ABL1: variants seen among roughly 807,000 people sequenced by gnomAD.
ABL1 encodes the protein ABL proto-oncogene 1, non-receptor tyrosine kinase.
A neutral mutation model predicts 94.7 loss-of-function variants in ABL1; 11 were observed. The ratio of observed to expected loss-of-function variants is 0.12; its 90% CI spans 0.07 to 0.19. The LOEUF is 0.19. Ranked by LOEUF, ABL1 falls within the 10% of genes least tolerant of loss-of-function variation. The probability of loss-of-function intolerance (pLI) is 1.00; values close to 1 mark genes in which losing one functional copy is unlikely to be tolerated. For missense variants in ABL1, 1,082 were observed against 1,489.4 expected (o/e 0.73, Z 4.50); for synonymous variants, 656 against 622.4 (o/e 1.05, Z -0.80).
upstream of ABL1, among the ~76,000 whole-genome samples, chr9:130,831,152 C>T (rs1364435010): frequency 6.6e-6 from 1 of 152,180 alleles, no homozygotes; most frequent in Non-Finnish European, 1.5e-5. Context: ...GCACATACCT[C>T]AAGATCTTTG....
Position 130,744,288 on chromosome 9 carries a change from G to A in ABL1, c.136+29833G>A, listed in dbSNP as rs530386806. On this transcript the variant is annotated intron_variant, in intron 1 of 10. Coordinates refer to the ABL1 transcript ENST00000372348. ...CTCCCGAGTAACTGGGACTACAGGC[G>A]CATGCCACCATGCCCAGCTAATTTT... Among the ~76,000 whole-genome samples the A allele has an allele frequency of 2.0e-4, 31 of 151,738 alleles. 1 individual carries two copies. The East Asian group carries it at 3.0e-3, about 15-fold the overall frequency.
chr9:130,764,337 A>G (rs1233051356), intron 1 of ABL1, among the ~76,000 whole-genome samples: 1 of 152,116 alleles, frequency 6.6e-6, no homozygotes, highest in African/African-American at 2.4e-5. Context: ...AGAGCTTTTC[A>G]AGTTTTATTT....
At chr9:130,729,824 C>A (rs143573520) in intron 1 of ABL1, among the ~76,000 whole-genome samples, 1 of 151,766 alleles carries the variant, frequency 6.6e-6, no homozygotes, top group Non-Finnish European at 1.5e-5. Context: ...CAACCTCCAC[C>A]TCCTGGGTTC....
chr9:130,843,081 G>A (rs1564308020), intron 1 of ABL1, among the ~76,000 whole-genome samples: 1 of 152,188 alleles, frequency 6.6e-6, no homozygotes. Flanking sequence ...CATTATTGCT[G>A]CTCTTATTAC....
intron 1 of ABL1, among the ~76,000 whole-genome samples, chr9:130,837,641 TTTC>T (rs1385892760): frequency 2.6e-5 from 4 of 152,244 alleles, no homozygotes; most frequent in Admixed American, 6.5e-5. Flanking sequence ...CTTACTGAGT[TTTC>T]TTCTTTTCGT....
rs34768457 is a variant in ABL1, at chr9:130,728,691, G to GTTT, written c.136+14246_136+14248dup. ...AGGCATGAGCCACTGCGCCCAGCCTGTTTTTTTTTTTTATAGTTTGTATTT... is the reference window on the plus strand; with the variant it reads ...AGGCATGAGCCACTGCGCCCAGCCTGTTTTTTTTTTTTTTTATAGTTTGTATTT... On this transcript the variant is annotated intron_variant, in intron 1 of 10. Transcript: ENST00000372348. Among the ~76,000 whole-genome samples the GTTT allele has an allele frequency of 8.5e-3, 1,246 of 147,430 alleles. 17 individuals carry two copies. The highest frequency in any genetic ancestry group is 0.028 in the African/African-American group (1,120 of 40,342).
chr9:130,886,477 C>G lies in ABL1; in HGVS notation c.*794C>G, dbSNP rs1402468979. 1 of 233,442 alleles carries G rather than the reference C, an allele frequency of 4.3e-6. No individual in the cohort carries two copies. The highest frequency in any genetic ancestry group is 8.5e-6 in the Non-Finnish European group (1 of 118,050). 14.5% of individuals were successfully genotyped at this position (233,442 alleles called of 1,614,324 possible). A position where few individuals can be genotyped will look rare whatever the true frequency, so the allele number is the denominator to read the frequency against. ...TGAATCCTGGCAAGAAAGCTTGAGT[C>G]TCAAGGGTGGCAGGTCACTGTCACT... On this transcript the variant is annotated 3_prime_UTR_variant, in exon 11 of 11. Transcript: ENST00000318560.
At chr9:130,786,653 A>T (rs1388118967) in intron 1 of ABL1, among the ~76,000 whole-genome samples, 1 of 152,110 alleles carries the variant, frequency 6.6e-6, no homozygotes, top group African/African-American at 2.4e-5. Flanking sequence ...ACCCTTCTAC[A>T]TCTTTCTGTC....
At chr9:130,716,835 C>G (rs1473861678) in intron 1 of ABL1, among the ~76,000 whole-genome samples, 2 of 151,948 alleles carry the variant, frequency 1.3e-5, no homozygotes, top group African/African-American at 2.4e-5. Flanking sequence ...ACTGCAACCT[C>G]TGCCTCCCGG....
chr9:130,780,239 A>G (rs2515712), intron 1 of ABL1, among the ~76,000 whole-genome samples: 56,844 of 152,066 alleles, frequency 0.37, 10,886 homozygotes, highest in Middle Eastern at 0.49. Context: ...GTGAGCCAAG[A>G]TCACACCACT....
rs1340271661 is a variant in ABL1 at position 130,884,548 on chromosome 9, G to T, written c.2258G>T (p.Gly753Val). The T allele has an allele frequency of 1.2e-6, 2 of 1,613,232 alleles. No homozygotes were observed. The highest frequency in any genetic ancestry group is 4.5e-5 in the East Asian group (2 of 44,876). Residue 753 changes from glycine to valine, a missense_variant, in exon 11 of 11, where the codon GGA (glycine) becomes GTA (valine). Gly to Val is a moderately radical substitution (Grantham distance 109). Transcript: ENST00000318560. The surrounding 1 kb of genome is among the most constrained non-coding windows in gnomAD (Gnocchi z 5.6). ...TGRQFDSSTF[G>V]GHKSEKPALP... ...AGACAGTTTGACTCGTCCACATTTGGAGGGCACAAAAGTGAGAAGCCGGCT... is the reference window on the plus strand; with the variant it reads ...AGACAGTTTGACTCGTCCACATTTGTAGGGCACAAAAGTGAGAAGCCGGCT...
At chr9:130,822,089 C>T (rs1462309012) in intron 1 of ABL1, among the ~76,000 whole-genome samples, 2 of 152,086 alleles carry the variant, frequency 1.3e-5, no homozygotes, top group Non-Finnish European at 2.9e-5. Flanking sequence ...CTGCCTGCCT[C>T]GGCCTCCCAA....
chr9:130,808,833 A>G (rs1274337097), intron 1 of ABL1, among the ~76,000 whole-genome samples: 1 of 152,194 alleles, frequency 6.6e-6, no homozygotes, highest in Non-Finnish European at 1.5e-5. Context: ...TGGCTAAGCT[A>G]ATGGGGCTCA....
chr9:130,858,971 G>A (rs139393409), intron 3 of ABL1, among the ~76,000 whole-genome samples: 1,575 of 152,242 alleles, frequency 0.01, 32 homozygotes, highest in African/African-American at 0.032. Context: ...GGAGTTATGA[G>A]CTGGACTCTT....
At chr9:130,757,839 C>T (rs930935245) in intron 1 of ABL1, among the ~76,000 whole-genome samples, 1 of 151,394 alleles carries the variant, frequency 6.6e-6, no homozygotes, top group African/African-American at 2.4e-5. Context: ...CTGCGCCCGG[C>T]CAGGCATTTT....
At chr9:130,718,146 C>T (rs369876333) in intron 1 of ABL1, among the ~76,000 whole-genome samples, 21 of 151,698 alleles carry the variant, frequency 1.4e-4, no homozygotes, top group South Asian at 4.2e-4. Flanking sequence ...GATGAAACCC[C>T]GTCTGTACTA....
rs1831846139 is a variant in ABL1 at position 130,743,500 on chromosome 9, T to C, written c.136+29045T>C. On this transcript the variant is annotated intron_variant, in intron 1 of 10. Coordinates refer to the ABL1 transcript ENST00000372348. ...TAATTTGGTCCTAAGGTCTCTCTCT[T>C]GAGAGTGGCTATAGATTCTAGCCCT... Among the ~76,000 whole-genome samples, 2 of 152,320 alleles carry C rather than the reference T, an allele frequency of 1.3e-5. 1 individual carries two copies. Among genetic ancestry groups the C allele is most frequent in the Non-Finnish European group, 2.9e-5 (2 of 68,018 alleles).
At chr9:130,735,961 A>ATATATATATTTTTTTTT (rs573602038) in intron 1 of ABL1, among the ~76,000 whole-genome samples, 7 of 94,834 alleles carry the variant, frequency 7.4e-5, no homozygotes, top group African/African-American at 3.8e-4. Context: ...ATATATATAT[A>ATATATATATTTTTTTTT]TTTTTTTTTT....
At chr9:130,819,432 T>C (rs1041203203) in intron 1 of ABL1, among the ~76,000 whole-genome samples, 23 of 152,026 alleles carry the variant, frequency 1.5e-4, no homozygotes, top group African/African-American at 5.6e-4. Context: ...GCCTCTCTAA[T>C]GTTCGTTGAA....
Sources: gnomAD v4.1 joint callset for allele counts (sites outside exome capture counted in the v4.1 genomes callset) on GRCh38, gnomAD v4.1.1 for gene constraint, Gnocchi (gnomAD v3.1) non-coding constraint, MANE v1.5 for transcripts, NCBI Gene and HGNC (gene_info 2026-07-23, HGNC 2026-07-21) for gene names.